VGLL4: variants seen among roughly 807,000 people sequenced by gnomAD.
VGLL4 encodes transcription cofactor vestigial-like protein 4.
Under a neutral mutation model 21.0 loss-of-function variants are expected in VGLL4, and 7 were observed. The ratio of observed to expected loss-of-function variants is 0.33; its 90% CI spans 0.19 to 0.63. The LOEUF is 0.63. Ranked by LOEUF, VGLL4 falls within the 20% of genes least tolerant of loss-of-function variation. The probability of loss-of-function intolerance (pLI) is 0.78; values close to 1 mark genes in which losing one functional copy is unlikely to be tolerated. For missense variants in VGLL4, 394 were observed against 425.7 expected (o/e 0.93, Z 0.66); for synonymous variants, 222 against 173.2 (o/e 1.28, Z -2.21).
At chr3:11,679,807 A>C (rs7610213) in intron 2 of VGLL4, among the ~76,000 whole-genome samples, 80,450 of 152,060 alleles carry the variant, frequency 0.53, 22,347 homozygotes, top group Non-Finnish European at 0.63. Flanking sequence ...TTTTAAAAAA[A>C]GTTTATCAAG....
Position 11,653,691 on chromosome 3 carries a change from T to C in VGLL4, c.64+49280A>G, listed in dbSNP as rs2075913256. Among the ~76,000 whole-genome samples the C allele has an allele frequency of 6.6e-6, 1 of 152,194 alleles. No homozygotes were observed. The highest frequency in any genetic ancestry group is 2.4e-5 in the African/African-American group (1 of 41,450). ...AGTGTATGTTCAGCTTAAGTAAATA[T>C]TGCCAAATAGTTTTCCACAGCAGTT... On this transcript the variant is annotated intron_variant, in intron 2 of 5. Coordinates refer to the VGLL4 transcript ENST00000273038. The surrounding 1 kb of genome is among the most constrained non-coding windows in gnomAD (Gnocchi z 4.2).
chr3:11,623,900 T>C (rs2075308766), intron 1 of VGLL4, among the ~76,000 whole-genome samples: 1 of 151,554 alleles, frequency 6.6e-6, no homozygotes, highest in Non-Finnish European at 1.5e-5. Flanking sequence ...TCCACCACGC[T>C]TGGTTAATTT....
At chr3:11,721,235 TCCCATCTGTTGC>T (rs1017581074), upstream of VGLL4, 7 of 152,270 alleles carry the variant, frequency 4.6e-5, no homozygotes, top group African/African-American at 1.7e-4. Context: ...CAAACTGTTT[TCCCATCTGTTGC>T]CTCATCTGAT....
chr3:11,578,748 C>CTTTTTTTTT lies in VGLL4; in HGVS notation c.273-13738_273-13730dup, dbSNP rs71044228. ...TTTTGAGGCATCTACTGTATATTTT[C>CTTTTTTTTT]TTTTTTTTTTTTTTTTTTTGAGATG... On this transcript the variant is annotated intron_variant, in intron 2 of 4. Coordinates refer to ENST00000430365, the MANE Select transcript of VGLL4 (RefSeq NM_001128219.3). Among the ~76,000 whole-genome samples, 43 of 104,690 alleles carry CTTTTTTTTT rather than the reference C, an allele frequency of 4.1e-4. 2 individuals are homozygous for CTTTTTTTTT. The highest frequency in any genetic ancestry group is 6.2e-4 in the Non-Finnish European group (35 of 56,610). The allele number at this position is 104,690 out of a possible 152,430, so 68.7% of individuals were successfully genotyped here. A position where few individuals can be genotyped will look rare whatever the true frequency, so the allele number is the denominator to read the frequency against.
At chr3:11,602,624 T>A (rs918774560) in intron 1 of VGLL4, among the ~76,000 whole-genome samples, 1 of 152,222 alleles carries the variant, frequency 6.6e-6, no homozygotes, top group African/African-American at 2.4e-5. Flanking sequence ...TAAAATATTA[T>A]CAGCACAAAG....
intron 2 of VGLL4, among the ~76,000 whole-genome samples, chr3:11,580,143 A>AACTCTGC (rs2074184777): frequency 1.3e-5 from 2 of 152,080 alleles, no homozygotes; most frequent in African/African-American, 4.8e-5. Context: ...CCTCTTCCCA[A>AACTCTGC]ACTCTGCACT....
chr3:11,670,442 G>A (rs2076189923), intron 2 of VGLL4, among the ~76,000 whole-genome samples: 1 of 152,138 alleles, frequency 6.6e-6, no homozygotes, highest in African/African-American at 2.4e-5. Context: ...GAGAGAACAT[G>A]CCAATTCACC....
chr3:11,568,891 G>A lies in VGLL4; in HGVS notation c.273-3872C>T, dbSNP rs1293097359. 30 of 1,318,154 alleles carry A rather than the reference G, an allele frequency of 2.3e-5. No homozygotes were observed. Among genetic ancestry groups the A allele is most frequent in the South Asian group, 1.7e-4 (10 of 58,420 alleles). The allele number at this position is 1,318,154 out of a possible 1,614,324, so 81.7% of individuals were successfully genotyped here. ...CTGAGGCTGCACGGCACCCGGCCCC[G>A]CCCCGGGCCTCATCCCCATCCTAGG... On this transcript the variant is annotated intron_variant, in intron 2 of 4. Transcript: ENST00000430365. This position sits in a 1 kb window ranked among gnomAD's most constrained non-coding sequence, Gnocchi z 5.9.
At chr3:11,681,255 G>T (rs1360380907) in intron 2 of VGLL4, among the ~76,000 whole-genome samples, 1 of 152,054 alleles carries the variant, frequency 6.6e-6, no homozygotes, top group East Asian at 1.9e-4. Context: ...CCGCCACCAC[G>T]CCCGGCTAAT....
intron 1 of VGLL4, among the ~76,000 whole-genome samples, chr3:11,617,575 T>G (rs1184485128): frequency 6.6e-6 from 1 of 152,222 alleles, no homozygotes; most frequent in Non-Finnish European, 1.5e-5. Context: ...AGAGGCAGGT[T>G]GAAGACACAT....
At position 11,652,953 on chromosome 3, in the gene VGLL4, A is replaced by T. The variant is rs147077336; in HGVS notation, c.64+50018T>A. Among the ~76,000 whole-genome samples the T allele has an allele frequency of 4.6e-5, 7 of 152,350 alleles. No individual in the cohort carries two copies. The East Asian group carries it at 1.3e-3, about 29-fold the overall frequency. On this transcript the variant is annotated intron_variant, in intron 2 of 5. Coordinates refer to the VGLL4 transcript ENST00000273038. ...CATTCAAAGAACATTCACAATTAAAACGCTATTCTGATATTCACTTTGTAC... is the reference window on the plus strand; with the variant it reads ...CATTCAAAGAACATTCACAATTAAATCGCTATTCTGATATTCACTTTGTAC...
chr3:11,679,639 C>T (rs1465562735), intron 2 of VGLL4, among the ~76,000 whole-genome samples: 1 of 152,062 alleles, frequency 6.6e-6, no homozygotes, highest in Non-Finnish European at 1.5e-5. Flanking sequence ...GCCGAGATTG[C>T]ACCACTGTAC....
rs555016118 is a variant in VGLL4 at position 11,710,015 on chromosome 3, C to A, written c.-13-6968G>T. Among the ~76,000 whole-genome samples the A allele has an allele frequency of 3.9e-5, 6 of 152,194 alleles. No homozygotes were observed. In the East Asian group the frequency reaches 1.2e-3, roughly 29 times the overall value. On this transcript the variant is annotated intron_variant, in intron 1 of 5. Coordinates refer to the VGLL4 transcript ENST00000273038. ...GGAAGCTTCCAATCATAATGGAAGG[C>A]AAAGCAGAAGCCAGCACATGACATG... is the stretch of plus-strand genomic sequence containing the variant.
intron 3 of VGLL4, among the ~76,000 whole-genome samples, chr3:11,561,538 C>A (rs2073005160): frequency 6.6e-6 from 1 of 152,216 alleles, no homozygotes; most frequent in African/African-American, 2.4e-5. Flanking sequence ...GCTCCACCAC[C>A]CCTCCTCCCC....
At chr3:11,636,574 C>G (rs2075590258) in intron 1 of VGLL4, among the ~76,000 whole-genome samples, 1 of 152,160 alleles carries the variant, frequency 6.6e-6, no homozygotes, top group Non-Finnish European at 1.5e-5. Flanking sequence ...CCAAAGAAAC[C>G]TGGCACAGCA....
intron 2 of VGLL4, among the ~76,000 whole-genome samples, chr3:11,701,991 T>C (rs1367277028): frequency 1.6e-4 from 24 of 152,198 alleles, no homozygotes; most frequent in Non-Finnish European, 4.4e-5. Context: ...TCTTCCAATA[T>C]TGTTCCTTTC....
At chr3:11,566,816 G>A (rs548067602) in intron 2 of VGLL4, among the ~76,000 whole-genome samples, 5 of 152,246 alleles carry the variant, frequency 3.3e-5, no homozygotes, top group African/African-American at 1.2e-4. Context: ...CCTCACACAC[G>A]GCAGCCTCTG....
chr3:11,570,478 T>C (rs2073731892), intron 2 of VGLL4, among the ~76,000 whole-genome samples: 1 of 152,158 alleles, frequency 6.6e-6, no homozygotes, highest in Admixed American at 6.5e-5. Flanking sequence ...GACCGTGCAC[T>C]CCCGGGAAGG....
chr3:11,720,235 C>T (rs1370923296), intron 1 of VGLL4, among the ~76,000 whole-genome samples: 3 of 151,790 alleles, frequency 2.0e-5, no homozygotes, highest in African/African-American at 7.3e-5. Flanking sequence ...CGCGAGCAGC[C>T]GGATAAGGGC....
Sources: gnomAD v4.1 joint callset for allele counts (sites outside exome capture counted in the v4.1 genomes callset) on GRCh38, gnomAD v4.1.1 for gene constraint, Gnocchi (gnomAD v3.1) non-coding constraint, MANE v1.5 for transcripts, NCBI Gene and HGNC (gene_info 2026-07-23, HGNC 2026-07-21) for gene names.